Variants in ITFG1 observed in about 807,000 individuals in gnomAD.
ITFG1 encodes T-cell immunomodulatory protein.
ITFG1 carries 34 observed loss-of-function variants against 81.8 expected under a neutral mutation model. The observed-to-expected ratio is 0.42, with a 90% CI of 0.32 to 0.55. The LOEUF is 0.55. Ranked by LOEUF, ITFG1 falls within the 20% of genes least tolerant of loss-of-function variation. The probability of loss-of-function intolerance (pLI) is 0.17; values close to 1 mark genes in which losing one functional copy is unlikely to be tolerated. For missense variants in ITFG1, 672 were observed against 755.4 expected (o/e 0.89, Z 1.29); for synonymous variants, 285 against 270.6 (o/e 1.05, Z -0.52).
intron 10 of ITFG1, among the ~76,000 whole-genome samples, chr16:47,261,672 A>G (rs190184341): frequency 1.1e-3 from 167 of 152,290 alleles, no homozygotes; most frequent in Non-Finnish European, 2.0e-3. Context: ...CTCTAATAAT[A>G]ATTACTTTTC....
intron 5 of ITFG1, among the ~76,000 whole-genome samples, chr16:47,447,087 T>C (rs1229490531): frequency 1.3e-5 from 2 of 152,088 alleles, no homozygotes; most frequent in African/African-American, 4.8e-5. Context: ...AGGCTGGTCT[T>C]GAACTCCTGG....
At chr16:47,180,186 A>G (rs1429835049) in intron 14 of ITFG1, among the ~76,000 whole-genome samples, 4 of 152,150 alleles carry the variant, frequency 2.6e-5, no homozygotes, top group South Asian at 2.1e-4. Context: ...GAGTAAATAA[A>G]TTTGTGCAGT....
At chr16:47,204,143 A>G (rs750333328) in intron 14 of ITFG1, among the ~76,000 whole-genome samples, 14 of 152,128 alleles carry the variant, frequency 9.2e-5, no homozygotes, top group Non-Finnish European at 1.6e-4. Context: ...TAAAAATGTA[A>G]TTTTGTCCAA....
chr16:47,178,353 C>T (rs953559723), intron 14 of ITFG1, among the ~76,000 whole-genome samples: 4 of 152,160 alleles, frequency 2.6e-5, no homozygotes, highest in Non-Finnish European at 4.4e-5. Flanking sequence ...TTTAGTGTCA[C>T]TGTATAAATG....
rs1967309461 is a variant in ITFG1 at position 47,313,892 on chromosome 16, T to A, written c.803-69A>T. ...AAGTGTTCTTGTATGGTATATTAAA[T>A]TTACTATTTGTTCAAAGTCTACATC... On this transcript the variant is annotated intron_variant, in intron 8 of 17. Coordinates refer to ENST00000320640, the MANE Select transcript of ITFG1 (RefSeq NM_030790.5). 4.8e-6 allele frequency: 4 copies of A among 826,144 alleles called. No individual in the cohort carries two copies. In the Admixed American group the frequency reaches 8.1e-5, roughly 17 times the overall value. The allele number at this position is 826,144 out of a possible 1,614,324, so 51.2% of individuals were successfully genotyped here.
At chr16:47,291,498 A>G (rs899866803) in intron 10 of ITFG1, among the ~76,000 whole-genome samples, 10 of 152,174 alleles carry the variant, frequency 6.6e-5, no homozygotes, top group Non-Finnish European at 1.5e-5. Context: ...ACCGACATGG[A>G]AAGTGTTCAT....
chr16:47,312,677 T>C (rs1191726317), intron 9 of ITFG1: 1 of 152,202 alleles, frequency 6.6e-6, no homozygotes, highest in African/African-American at 2.4e-5. Context: ...TATCACAAAT[T>C]TCTGAAGAGG....
At chr16:47,313,689 C>T (rs183463530) in intron 9 of ITFG1, 40 bp downstream of exon 9, 14 of 1,119,698 alleles carry the variant, frequency 1.3e-5, no homozygotes, top group Admixed American at 2.2e-5. Context: ...TTTCCAAGCA[C>T]ATAAAAAAAA....
intron 6 of ITFG1, among the ~76,000 whole-genome samples, chr16:47,414,242 T>C (rs1968846077): frequency 6.6e-6 from 1 of 151,616 alleles, no homozygotes; most frequent in South Asian, 2.1e-4. Flanking sequence ...TGTAATGGAA[T>C]AATACCAAGG....
intron 11 of ITFG1, among the ~76,000 whole-genome samples, 192 bp from the exon 12 acceptor site, chr16:47,258,932 A>G (rs1966172955): frequency 6.6e-6 from 1 of 152,230 alleles, no homozygotes; most frequent in African/African-American, 2.4e-5. Context: ...AATATAAATA[A>G]AATAAAAAAC....
In ITFG1 at chr16:47,162,433, G is replaced by A; in HGVS notation, c.1578+107C>T. The A allele has an allele frequency of 7.1e-6, 7 of 985,954 alleles. No individual in the cohort carries two copies. In the South Asian group the frequency reaches 1.3e-4, roughly 18 times the overall value. 61.1% of individuals were successfully genotyped at this position (985,954 alleles called of 1,614,324 possible). On this transcript the variant is annotated intron_variant, in intron 15 of 17. Coordinates refer to ENST00000320640, the MANE Select transcript of ITFG1 (RefSeq NM_030790.5). ...TCTTTAAAGGGAATAAAAATATTTG[G>A]TTTATTTGAATTCAAATTCAATTAG...
At chr16:47,230,969 T>C (rs774482422) in intron 13 of ITFG1, among the ~76,000 whole-genome samples, 1 of 152,132 alleles carries the variant, frequency 6.6e-6, no homozygotes, top group African/African-American at 2.4e-5. Flanking sequence ...AGGATGGTCT[T>C]AATCTCCTGA....
At chr16:47,192,804 C>A (rs557585930) in intron 14 of ITFG1, among the ~76,000 whole-genome samples, 1 of 152,222 alleles carries the variant, frequency 6.6e-6, no homozygotes, top group Non-Finnish European at 1.5e-5. Flanking sequence ...TCTACACACA[C>A]AGAAACACAA....
chr16:47,287,919 A>C (rs1966876432), intron 10 of ITFG1, among the ~76,000 whole-genome samples: 1 of 152,200 alleles, frequency 6.6e-6, no homozygotes, highest in South Asian at 2.1e-4. Flanking sequence ...TAAATATCTC[A>C]ATTTACTCAA....
chr16:47,263,012 G>C (rs1450505777), intron 10 of ITFG1: 1 of 195,966 alleles, frequency 5.1e-6, no homozygotes, highest in African/African-American at 2.3e-5. Flanking sequence ...AGCCATCATG[G>C]CTAGGGGCAC....
At chr16:47,366,412 A>G (rs1300919261) in intron 7 of ITFG1, among the ~76,000 whole-genome samples, 1 of 152,226 alleles carries the variant, frequency 6.6e-6, no homozygotes, top group Non-Finnish European at 1.5e-5. Flanking sequence ...TTTACATATC[A>G]ATGAGAAGAG....
At chr16:47,264,379 CCCATGAGAAGGTGTA>C (rs1054360710) in intron 10 of ITFG1, among the ~76,000 whole-genome samples, 2 of 151,972 alleles carry the variant, frequency 1.3e-5, no homozygotes, top group Non-Finnish European at 2.9e-5. Context: ...GAAAACATCC[CCCATGAGAAGGTGTA>C]CCAATTTAAG....
At chr16:47,448,812 C>T (rs1266246668) in intron 5 of ITFG1, 2 of 152,082 alleles carry the variant, frequency 1.3e-5, no homozygotes, top group Non-Finnish European at 1.5e-5. Context: ...TGCTGTGACA[C>T]TTAACAGCTA....
intron 10 of ITFG1, among the ~76,000 whole-genome samples, chr16:47,266,583 G>A (rs534194001): frequency 6.6e-6 from 1 of 152,158 alleles, no homozygotes; most frequent in Non-Finnish European, 1.5e-5. Context: ...GGAGTAATTG[G>A]AAGCTCATAC....
Sources: allele counts gnomAD v4.1 joint callset (sites outside exome capture counted in the v4.1 genomes callset), GRCh38; gene constraint gnomAD v4.1.1; transcripts MANE v1.5; gene names NCBI Gene and HGNC (gene_info 2026-07-23, HGNC 2026-07-21).